TTC34: variants seen among roughly 807,000 people sequenced by gnomAD.
TTC34 encodes tetratricopeptide repeat domain 34, also known as tetratricopeptide repeat protein 34.
TTC34 carries 44 observed loss-of-function variants against 40.7 expected under a neutral mutation model. That is an observed-to-expected ratio of 1.08 (90% CI 0.85 to 1.39). TTC34 has a LOEUF of 1.39. Ranked by LOEUF, TTC34 falls within the 40% of genes most tolerant of loss-of-function variation. The pLI is 0.00. For missense variants in TTC34, 884 were observed against 838.0 expected, an observed-to-expected ratio of 1.05 and a Z score of -0.68; for synonymous variants, 422 against 398.6, an observed-to-expected ratio of 1.06 and a Z score of -0.70.
intron 4 of TTC34, 125 bp downstream of exon 4, chr1:2,787,356 G>A (rs1442018012): frequency 8.4e-6 from 7 of 835,606 alleles, no homozygotes; most frequent in African/African-American, 1.7e-5. Context: ...AGCTGGGGCT[G>A]AATGCAGTCG....
At chr1:2,751,565 C>A (rs1287946095) in intron 6 of TTC34, among the ~76,000 whole-genome samples, 2 of 114,374 alleles carry the variant, frequency 1.7e-5, no homozygotes, top group East Asian at 3.1e-4. Context: ...ACAGCACGCA[C>A]ACCCCCAGGT....
intron 2 of TTC34, among the ~76,000 whole-genome samples, chr1:2,795,007 C>T (rs557366289): frequency 6.6e-6 from 1 of 151,864 alleles, no homozygotes; most frequent in Non-Finnish European, 1.5e-5. Context: ...CTAACTATTC[C>T]TGCATAACCA....
intron 6 of TTC34, among the ~76,000 whole-genome samples, chr1:2,751,842 CCCT>C (rs1641330754): frequency 1.8e-5 from 2 of 109,194 alleles, no homozygotes; most frequent in Admixed American, 9.6e-5. Context: ...TGGAACAGCA[CCCT>C]GCACCCCCAA....
chr1:2,691,283 CCT>C (rs1640605898), intron 6 of TTC34, among the ~76,000 whole-genome samples: 1 of 83,148 alleles, frequency 1.2e-5, no homozygotes, highest in African/African-American at 4.1e-5. Flanking sequence ...AATCCGACAG[CCT>C]GGAGCAGCAC....
At chr1:2,786,255 G>A (rs1006344953) in intron 4 of TTC34, among the ~76,000 whole-genome samples, 22 of 152,232 alleles carry the variant, frequency 1.4e-4, no homozygotes, top group African/African-American at 4.8e-4. Flanking sequence ...CCATCACCCC[G>A]ATCCTCCCCT....
chr1:2,683,543 G>GTACCCA (rs1640177994), intron 6 of TTC34, among the ~76,000 whole-genome samples: 3 of 27,532 alleles, frequency 1.1e-4, no homozygotes, highest in Non-Finnish European at 2.0e-4. Context: ...GTCTGGAGCA[G>GTACCCA]CACCCACAAC....
intron 6 of TTC34, chr1:2,776,055 A>T (rs1297928752): frequency 7.3e-6 from 1 of 136,782 alleles, no homozygotes; most frequent in Non-Finnish European, 1.5e-5. Context: ...CCAGGTGAGC[A>T]TCTGACAGCC....
intron 6 of TTC34, among the ~76,000 whole-genome samples, chr1:2,779,481 G>A (rs147334673): frequency 0.014 from 2,100 of 152,058 alleles, 24 homozygotes; most frequent in Admixed American, 0.024. Flanking sequence ...GTGCCACCAC[G>A]CCTGGCTAAC....
At chr1:2,779,837 T>A (rs1643451613) in intron 6 of TTC34, among the ~76,000 whole-genome samples, 1 of 152,250 alleles carries the variant, frequency 6.6e-6, no homozygotes, top group African/African-American at 2.4e-5. Context: ...TGATTGGTGA[T>A]GTCCAGCATC....
chr1:2,685,179 G>C (rs560782694), intron 6 of TTC34, among the ~76,000 whole-genome samples: 2 of 135,692 alleles, frequency 1.5e-5, no homozygotes, highest in Non-Finnish European at 1.5e-5. Context: ...GCATCTGACT[G>C]CCTGGAACAG....
intron 6 of TTC34, among the ~76,000 whole-genome samples, chr1:2,778,797 G>A (rs150978541): frequency 7.9e-5 from 12 of 152,110 alleles, no homozygotes; most frequent in African/African-American, 2.9e-4. Context: ...TTATGTGTAC[G>A]GTGTGGTGGC....
intron 6 of TTC34, among the ~76,000 whole-genome samples, chr1:2,688,218 A>C (rs1640459029): frequency 1.0e-5 from 1 of 100,346 alleles, no homozygotes; most frequent in African/African-American, 4.7e-5. Flanking sequence ...CCCCCAGGGG[A>C]GCATCCGACA....
At chr1:2,685,522 A>C (rs1261477124) in intron 6 of TTC34, among the ~76,000 whole-genome samples, 35 of 72,482 alleles carry the variant, frequency 4.8e-4, no homozygotes, top group Admixed American at 5.8e-4. Flanking sequence ...CCCACAGACC[A>C]AGGTGAGCAT....
At chr1:2,655,911 G>C (rs1297019045) in intron 6 of TTC34, among the ~76,000 whole-genome samples, 83 of 150,326 alleles carry the variant, frequency 5.5e-4, no homozygotes, top group Admixed American at 1.0e-3. Context: ...GTGAGCATCT[G>C]ACAGCGTGGA....
chr1:2,698,996 GAA>G (rs1641000494), intron 6 of TTC34, among the ~76,000 whole-genome samples: 9 of 73,680 alleles, frequency 1.2e-4, no homozygotes, highest in South Asian at 3.9e-4. Context: ...TGACAGCCTG[GAA>G]AGGCACCCAC....
intron 8 of TTC34, among the ~76,000 whole-genome samples, chr1:2,643,283 T>G (rs1284832035): frequency 6.6e-6 from 1 of 152,298 alleles, no homozygotes; most frequent in African/African-American, 2.4e-5. Flanking sequence ...CATTTCCGGG[T>G]GGGTCCCCGT....
intron 6 of TTC34, among the ~76,000 whole-genome samples, chr1:2,699,211 C>A (rs113024823): frequency 0.083 from 6,114 of 73,928 alleles, 52 homozygotes; most frequent in Non-Finnish European, 0.13. Flanking sequence ...GCACCCACAC[C>A]CCCAGGTGAG....
chr1:2,676,976 TGA>T (rs1639927950), intron 6 of TTC34, among the ~76,000 whole-genome samples: 1 of 112,512 alleles, frequency 8.9e-6, no homozygotes, highest in African/African-American at 3.5e-5. Flanking sequence ...CACCCCCAGG[TGA>T]GCATCCGACA....
At chr1:2,650,610 A>G (rs931646166) in intron 6 of TTC34, among the ~76,000 whole-genome samples, 2 of 151,414 alleles carry the variant, frequency 1.3e-5, no homozygotes, top group East Asian at 1.9e-4. Flanking sequence ...GACAGCCTGG[A>G]TCAGCACTTC....
Sources: allele counts gnomAD v4.1 joint callset (sites outside exome capture counted in the v4.1 genomes callset), GRCh38; gene constraint gnomAD v4.1.1; transcripts MANE v1.5; gene names NCBI Gene and HGNC (gene_info 2026-07-23, HGNC 2026-07-21).